The following LARGE1 variants were observed in gnomAD, a reference collection of about 807,000 sequenced individuals.
LARGE1 encodes xylosyl- and glucuronyltransferase LARGE1.
In LARGE1, 43 loss-of-function variants were observed where a neutral mutation model predicts 87.6. That is an observed-to-expected ratio of 0.49 (90% CI 0.38 to 0.63). LARGE1 has a LOEUF of 0.63. LARGE1 is among the 30% of genes least tolerant of loss of function. LARGE1 has a pLI of 0.00. For missense variants in LARGE1, 802 were observed against 1,000.2 expected (o/e 0.80, Z 2.67); for synonymous variants, 434 against 394.6 (o/e 1.10, Z -1.18).
chr22:33,673,535 T>C (rs1404327387), intron 2 of LARGE1, among the ~76,000 whole-genome samples: 1 of 152,190 alleles, frequency 6.6e-6, no homozygotes, highest in Non-Finnish European at 1.5e-5. Context: ...TGGTAAAATA[T>C]ACGTAACATA....
At position 33,865,832 on chromosome 22, in the gene LARGE1, C is replaced by CTT. The variant is rs3072359; in HGVS notation, c.-83+54161_-83+54162dup. Among the ~76,000 whole-genome samples, 50 of 28,392 alleles carry CTT rather than the reference C, an allele frequency of 1.8e-3. 17 individuals are homozygous for CTT. The highest frequency in any genetic ancestry group is 3.5e-3 in the East Asian group (2 of 576). 18.6% of individuals were successfully genotyped at this position (28,392 alleles called of 152,430 possible). On this transcript the variant is annotated intron_variant, in intron 1 of 14. Transcript: ENST00000397394. ...TAAGCATTCAATGTTAGCTGTTATT[C>CTT]TTTTTTTTTTTTTTTTTTTTTTTTT...
chr22:33,495,365 G>C (rs925689016), intron 6 of LARGE1, among the ~76,000 whole-genome samples: 1 of 152,194 alleles, frequency 6.6e-6, no homozygotes, highest in Non-Finnish European at 1.5e-5. Context: ...CTTATGCAGT[G>C]CATGCTATAT....
At chr22:33,104,731 T>C in the LARGE1 span, among the ~76,000 whole-genome samples, 1 of 152,204 alleles carries the variant, frequency 6.6e-6, no homozygotes, top group African/African-American at 2.4e-5. Context: ...TGCAGAGACC[T>C]CTTCTTCTGC....
At chr22:33,723,281 C>T (rs2083163858) in intron 2 of LARGE1, among the ~76,000 whole-genome samples, 1 of 152,130 alleles carries the variant, frequency 6.6e-6, no homozygotes, top group Non-Finnish European at 1.5e-5. Context: ...AGGTTGGCTG[C>T]AGACCAAGCC....
At chr22:33,141,188 T>TCA in the LARGE1 span, among the ~76,000 whole-genome samples, 59 of 146,430 alleles carry the variant, frequency 4.0e-4, no homozygotes, top group South Asian at 1.1e-3. Flanking sequence ...TCTCTCTCTC[T>TCA]CTCTCTCACA....
chr22:33,493,022 A>T (rs933360186), intron 6 of LARGE1, among the ~76,000 whole-genome samples: 8 of 152,136 alleles, frequency 5.3e-5, no homozygotes, highest in Admixed American at 5.2e-4. Context: ...CATTAAATTC[A>T]AAATTGTGTT....
chr22:33,311,084 C>T (rs573399211), intron 11 of LARGE1, among the ~76,000 whole-genome samples: 1 of 152,264 alleles, frequency 6.6e-6, no homozygotes, highest in East Asian at 1.9e-4. Context: ...CCTCAGCCTC[C>T]CGTGTAGCTG....
chr22:33,825,301 C>T (rs1402831621), intron 1 of LARGE1, among the ~76,000 whole-genome samples: 1 of 151,582 alleles, frequency 6.6e-6, no homozygotes, highest in Non-Finnish European at 1.5e-5. Flanking sequence ...GGGTATTAGT[C>T]TGTTCTCACA....
At chr22:33,387,516 A>T (rs1468204666) in intron 7 of LARGE1, among the ~76,000 whole-genome samples, 1 of 118,104 alleles carries the variant, frequency 8.5e-6, no homozygotes, top group Non-Finnish European at 1.6e-5. Context: ...GCTCCAATGT[A>T]TTAAAAAATG....
At position 33,701,361 on chromosome 22, in the gene LARGE1, G is replaced by C. The variant is rs530218227; in HGVS notation, c.107-50693C>G. On this transcript the variant is annotated intron_variant, in intron 2 of 14. Transcript: ENST00000397394. ...GATGAAAAGGAGGTTGCTGGAAACA[G>C]AACAGTGCATCCACTGCAATTAGTC... 1.1e-4 allele frequency among the ~76,000 whole-genome samples: 17 copies of C among 152,342 alleles called. No homozygotes were observed. In the East Asian group the frequency reaches 3.3e-3, roughly 29 times the overall value.
intron 1 of LARGE1, among the ~76,000 whole-genome samples, chr22:33,869,648 C>T (rs985395132): frequency 1.3e-5 from 2 of 152,206 alleles, no homozygotes; most frequent in Non-Finnish European, 1.5e-5. Flanking sequence ...AGACCACCAG[C>T]ACATAGGTGT....
rs767335427 is a variant in LARGE1 at position 33,627,170 on chromosome 22, G to A, written c.409-844C>T. 7.9e-5 allele frequency among the ~76,000 whole-genome samples: 12 copies of A among 152,186 alleles called. No homozygotes were observed. In the South Asian group the frequency reaches 1.7e-3, roughly 21 times the overall value. ...GTGACAAATATACTCATCTGTTTACGCCCTCTAAGCTACTGGGCGGGGCTG... is the reference window on the plus strand; with the variant it reads ...GTGACAAATATACTCATCTGTTTACACCCTCTAAGCTACTGGGCGGGGCTG... On this transcript the variant is annotated intron_variant, in intron 3 of 14. Coordinates refer to ENST00000397394, the MANE Select transcript of LARGE1 (RefSeq NM_133642.5).
chr22:33,727,170 T>C (rs62225404), intron 2 of LARGE1, among the ~76,000 whole-genome samples: 6,856 of 152,190 alleles, frequency 0.045, 258 homozygotes, highest in East Asian at 0.21. Context: ...GAAAATGATG[T>C]TTTCTATTTC....
chr22:33,488,902 GA>G (rs779470316), intron 6 of LARGE1, among the ~76,000 whole-genome samples: 35 of 152,128 alleles, frequency 2.3e-4, no homozygotes, highest in Non-Finnish European at 4.7e-4. Context: ...CACCCAACTT[GA>G]AAAACTTCAC....
upstream of LARGE1, chr22:33,920,483 G>A (rs1422069582): frequency 2.7e-5 from 4 of 145,746 alleles, no homozygotes; most frequent in Non-Finnish European, 4.6e-5. Flanking sequence ...GACTGGCCGG[G>A]CCGGGCGCCG....
At chr22:33,355,013 T>C (rs1401871003) in intron 9 of LARGE1, among the ~76,000 whole-genome samples, 2 of 152,222 alleles carry the variant, frequency 1.3e-5, no homozygotes, top group Non-Finnish European at 2.9e-5. Context: ...AATGAAACTT[T>C]TCTGTTTTAT....
intron 12 of LARGE1, among the ~76,000 whole-genome samples, chr22:33,294,347 T>G (rs1354936896): frequency 6.6e-6 from 1 of 152,232 alleles, no homozygotes; most frequent in Non-Finnish European, 1.5e-5. Flanking sequence ...AGCCCTGTTC[T>G]GCAGCATCAA....
intron 2 of LARGE1, among the ~76,000 whole-genome samples, chr22:33,747,246 G>A (rs893644202): frequency 6.6e-6 from 1 of 152,134 alleles, no homozygotes; most frequent in Non-Finnish European, 1.5e-5. Context: ...CAGAGGCCAA[G>A]GTGCCAAGAT....
chr22:33,497,154 C>T (rs540231381), intron 6 of LARGE1, among the ~76,000 whole-genome samples: 38 of 151,434 alleles, frequency 2.5e-4, no homozygotes, highest in Admixed American at 3.9e-4. Flanking sequence ...TGGCTCACTG[C>T]AACCTCTGAC....
Sources: allele counts gnomAD v4.1 joint callset (sites outside exome capture counted in the v4.1 genomes callset), GRCh38; gene constraint gnomAD v4.1.1; transcripts MANE v1.5; gene names NCBI Gene and HGNC (gene_info 2026-07-23, HGNC 2026-07-21).